Variants in SLC9A9 observed in about 807,000 individuals in gnomAD.
SLC9A9 encodes sodium/hydrogen exchanger 9.
In SLC9A9, 62 loss-of-function variants were observed where a neutral mutation model predicts 77.8. The observed-to-expected ratio is 0.80, with a 90% CI of 0.65 to 0.98. The LOEUF (loss-of-function observed/expected upper bound fraction) is 0.98, where lower values mean the gene tolerates loss of function less well. Ranked by LOEUF, SLC9A9 falls within the 50% of genes least tolerant of loss-of-function variation. The pLI is 0.00. For synonymous variants in SLC9A9, 320 were observed against 283.5 expected, an observed-to-expected ratio of 1.13 and a Z score of -1.29; for missense variants, 775 against 774.9, an observed-to-expected ratio of 1.00 and a Z score of 0.00.
intron 14 of SLC9A9, among the ~76,000 whole-genome samples, chr3:143,296,160 G>C (rs1257380274): frequency 6.6e-6 from 1 of 152,170 alleles, no homozygotes; most frequent in Non-Finnish European, 1.5e-5. Context: ...ATGATGAGTA[G>C]ATTTCCTAGA....
intron 4 of SLC9A9, among the ~76,000 whole-genome samples, chr3:143,775,029 T>C (rs2007645992): frequency 6.6e-6 from 1 of 152,212 alleles, no homozygotes; most frequent in Non-Finnish European, 1.5e-5. Flanking sequence ...ATTTTTGTAA[T>C]GGACTCCAGG....
Position 143,606,427 on chromosome 3 carries a change from T to TCA in SLC9A9, c.756-27705_756-27704insTG, listed in dbSNP as rs2037925320. On this transcript the variant is annotated intron_variant, in intron 6 of 15. Transcript: ENST00000316549. Reference sequence around the variant, plus strand: ...CTCTCTCTCTCTCTCTCTCTCTCTCTCTCTCTCTCTATATATATATATATA... The same window carrying TCA: ...CTCTCTCTCTCTCTCTCTCTCTCTCTCACTCTCTCTCTATATATATATATATA... Among the ~76,000 whole-genome samples the TCA allele has an allele frequency of 2.2e-4, 19 of 85,702 alleles. 1 individual carries two copies. In the Admixed American group the frequency reaches 2.4e-3, roughly 11 times the overall value. 56.2% of individuals were successfully genotyped at this position (85,702 alleles called of 152,430 possible).
At position 143,407,463 on chromosome 3, in the gene SLC9A9, A is replaced by G. The variant is rs188853661; in HGVS notation, c.1470-25349T>C. Among the ~76,000 whole-genome samples, 3 of 152,356 alleles carry G rather than the reference A, an allele frequency of 2.0e-5. No individual in the cohort carries two copies. The East Asian group carries it at 5.8e-4, about 29-fold the overall frequency. On this transcript the variant is annotated intron_variant, in intron 12 of 15. Transcript: ENST00000316549. ...TAAGAAAAAAAAGAGGAAATATGCC[A>G]TTCTTATCCAGTTATTGAATAAAAA...
chr3:143,469,507 T>C (rs2035341503), intron 11 of SLC9A9, among the ~76,000 whole-genome samples: 1 of 152,244 alleles, frequency 6.6e-6, no homozygotes. Flanking sequence ...TTTCTAAATT[T>C]CTAAATCTGT....
chr3:143,456,579 T>A (rs1576510526), intron 12 of SLC9A9, among the ~76,000 whole-genome samples: 1 of 151,988 alleles, frequency 6.6e-6, no homozygotes, highest in Non-Finnish European at 1.5e-5. Flanking sequence ...TTTTTTTTTT[T>A]TTTGAGATAG....
chr3:143,402,206 T>A (rs576266702), intron 12 of SLC9A9, among the ~76,000 whole-genome samples: 19 of 152,260 alleles, frequency 1.2e-4, no homozygotes, highest in Middle Eastern at 6.8e-3. Flanking sequence ...TTTAAAAAAA[T>A]TTAATTTGGC....
chr3:143,593,328 T>A (rs543079416), intron 6 of SLC9A9, among the ~76,000 whole-genome samples: 2 of 152,354 alleles, frequency 1.3e-5, no homozygotes, highest in African/African-American at 4.8e-5. Context: ...AGGTTTTCTT[T>A]TGTATTACCA....
At chr3:143,681,884 G>A (rs1933110142) in intron 5 of SLC9A9, among the ~76,000 whole-genome samples, 1 of 152,160 alleles carries the variant, frequency 6.6e-6, no homozygotes, top group Non-Finnish European at 1.5e-5. Flanking sequence ...GAGGAGATAG[G>A]TCCCTTACCC....
chr3:143,495,003 T>C (rs1359655851), intron 10 of SLC9A9, among the ~76,000 whole-genome samples: 3 of 152,222 alleles, frequency 2.0e-5, no homozygotes, highest in Non-Finnish European at 4.4e-5. Context: ...TCTGTTTCTC[T>C]ATAAAGAATA....
intron 12 of SLC9A9, among the ~76,000 whole-genome samples, chr3:143,412,625 T>C (rs999369608): frequency 2.6e-5 from 4 of 152,208 alleles, no homozygotes; most frequent in Non-Finnish European, 4.4e-5. Context: ...TTGGAATTCT[T>C]TTCACTCTCT....
chr3:143,761,640 G>A (rs1169440008), intron 4 of SLC9A9, among the ~76,000 whole-genome samples: 1 of 152,154 alleles, frequency 6.6e-6, no homozygotes. Context: ...ACCACAATGA[G>A]ATACCATCTC....
intron 9 of SLC9A9, chr3:143,517,788 C>T: frequency 6.3e-7 from 1 of 1,599,112 alleles, no homozygotes. Flanking sequence ...TACAAAATGG[C>T]CAAGCAAGGA....
intron 6 of SLC9A9, among the ~76,000 whole-genome samples, chr3:143,608,543 C>T (rs1284094959): frequency 6.6e-6 from 1 of 152,188 alleles, no homozygotes; most frequent in Non-Finnish European, 1.5e-5. Flanking sequence ...TGGGCTTTCC[C>T]TAGACTTCTT....
chr3:143,500,304 TTA>T (rs1370126855), intron 9 of SLC9A9, among the ~76,000 whole-genome samples: 2 of 152,204 alleles, frequency 1.3e-5, no homozygotes, highest in Non-Finnish European at 2.9e-5. Context: ...GTGTCTGTAT[TTA>T]TATCTTTCCC....
At chr3:143,405,380 C>T (rs1323089395) in intron 12 of SLC9A9, among the ~76,000 whole-genome samples, 1 of 152,204 alleles carries the variant, frequency 6.6e-6, no homozygotes, top group Admixed American at 6.5e-5. Flanking sequence ...TACAAGCAAG[C>T]AGTCGGGGAG....
chr3:143,795,659 G>T (rs192037195), intron 3 of SLC9A9, among the ~76,000 whole-genome samples: 52 of 152,264 alleles, frequency 3.4e-4, no homozygotes, highest in African/African-American at 1.2e-3. Context: ...AGTACAGGAG[G>T]TCGAAGCTGC....
At chr3:143,483,036 T>C (rs1225288326) in intron 11 of SLC9A9, among the ~76,000 whole-genome samples, 1 of 152,186 alleles carries the variant, frequency 6.6e-6, no homozygotes, top group Non-Finnish European at 1.5e-5. Context: ...GTCTTAAAAA[T>C]GTCTCAGGGT....
At chr3:143,679,698 T>C (rs1933018359) in intron 5 of SLC9A9, among the ~76,000 whole-genome samples, 1 of 152,162 alleles carries the variant, frequency 6.6e-6, no homozygotes. Context: ...CAATACGTAT[T>C]GCCAATTCAA....
chr3:143,766,258 A>T (rs2007315642), intron 4 of SLC9A9, among the ~76,000 whole-genome samples: 1 of 152,228 alleles, frequency 6.6e-6, no homozygotes, highest in Admixed American at 6.5e-5. Flanking sequence ...TTTAGAATAT[A>T]GGATAGATGG....
Sources: gnomAD v4.1 joint callset for allele counts (sites outside exome capture counted in the v4.1 genomes callset) on GRCh38, gnomAD v4.1.1 for gene constraint, MANE v1.5 for transcripts, NCBI Gene and HGNC (gene_info 2026-07-23, HGNC 2026-07-21) for gene names.